The following BMPR1A variants were observed in gnomAD, a reference collection of about 807,000 sequenced individuals.
The protein encoded by BMPR1A is bone morphogenetic protein receptor type-1A.
Under a neutral mutation model 66.0 loss-of-function variants are expected in BMPR1A, and 7 were observed. That is an observed-to-expected ratio of 0.11 (90% CI 0.06 to 0.20). BMPR1A has a LOEUF of 0.20. Among genes scored for constraint, BMPR1A ranks in the 10% least tolerant of loss-of-function variants. BMPR1A has a pLI of 1.00. For missense variants in BMPR1A, 408 were observed against 669.1 expected, an observed-to-expected ratio of 0.61 and a Z score of 4.31; for synonymous variants, 200 against 229.7, an observed-to-expected ratio of 0.87 and a Z score of 1.17.
rs1166278825 is a variant in BMPR1A at position 86,816,454 on chromosome 10, A to G, written c.-267-22411A>G. On this transcript the variant is annotated intron_variant, in intron 1 of 12. Transcript: ENST00000372037. The stretch of plus-strand genomic sequence containing the variant: ...TTCAGTACCCCTCCCTCATTTTGAC[A>G]AAAGCTGGTCAGTTGATTGTCAGAG... 2.6e-5 allele frequency among the ~76,000 whole-genome samples: 4 copies of G among 152,214 alleles called. No individual in the cohort carries two copies. In the South Asian group the frequency reaches 8.3e-4, roughly 32 times the overall value.
chr10:86,884,998 C>T (rs1843051474), intron 3 of BMPR1A, among the ~76,000 whole-genome samples: 1 of 152,208 alleles, frequency 6.6e-6, no homozygotes, highest in Non-Finnish European at 1.5e-5. Context: ...CATATCCTAT[C>T]AGATGTGAAA....
intron 2 of BMPR1A, among the ~76,000 whole-genome samples, chr10:86,860,581 C>A (rs113688357): frequency 5.3e-5 from 8 of 151,950 alleles, no homozygotes; most frequent in African/African-American, 1.5e-4. Flanking sequence ...ACCATCCTAG[C>A]CAACATGGCA....
At chr10:86,915,991 A>ATTAT (rs1233677666) in intron 8 of BMPR1A, among the ~76,000 whole-genome samples, 1 of 152,226 alleles carries the variant, frequency 6.6e-6, no homozygotes, top group Non-Finnish European at 1.5e-5. Context: ...ATTCAAGCAA[A>ATTAT]TATATATGTA....
At chr10:86,863,932 A>G (rs1290222161) in intron 2 of BMPR1A, among the ~76,000 whole-genome samples, 1 of 152,248 alleles carries the variant, frequency 6.6e-6, no homozygotes, top group Non-Finnish European at 1.5e-5. Context: ...TAACAAAACA[A>G]TTCCTTTTTA....
chr10:86,907,526 C>T (rs1289274976), intron 7 of BMPR1A, among the ~76,000 whole-genome samples: 1 of 151,702 alleles, frequency 6.6e-6, no homozygotes, highest in Non-Finnish European at 1.5e-5. Context: ...CTGTTCATTC[C>T]CCTGTGTTTA....
chr10:86,895,266 G>A (rs1200331458), intron 5 of BMPR1A, among the ~76,000 whole-genome samples: 1 of 152,132 alleles, frequency 6.6e-6, no homozygotes, highest in Non-Finnish European at 1.5e-5. Flanking sequence ...GTGGTGGCAC[G>A]GTGGCCCCAG....
intron 5 of BMPR1A, among the ~76,000 whole-genome samples, chr10:86,893,674 G>C (rs1040472341): frequency 2.0e-5 from 3 of 152,006 alleles, no homozygotes; most frequent in Non-Finnish European, 4.4e-5. Flanking sequence ...TGTCGTCCCA[G>C]CTACTCGGGA....
chr10:86,766,638 C>A (rs1199588834), intron 1 of BMPR1A, among the ~76,000 whole-genome samples: 10 of 86,192 alleles, frequency 1.2e-4, no homozygotes, highest in African/African-American at 2.9e-4. Flanking sequence ...TTTTTTGAGA[C>A]GGAGTCTCGC....
At chr10:86,877,549 GCTT>G (rs1321845373) in intron 3 of BMPR1A, among the ~76,000 whole-genome samples, 2 of 152,162 alleles carry the variant, frequency 1.3e-5, no homozygotes, top group African/African-American at 4.8e-5. Flanking sequence ...GAAATCTATA[GCTT>G]CTTTTTATTT....
chr10:86,881,709 A>C (rs902101969), intron 3 of BMPR1A, among the ~76,000 whole-genome samples: 1 of 152,238 alleles, frequency 6.6e-6, no homozygotes. Flanking sequence ...GGTAAATACT[A>C]TACTAGTAAA....
At chr10:86,876,233 C>A in intron 3 of BMPR1A, 148 bp downstream of exon 3, 1 of 724,796 alleles carries the variant, frequency 1.4e-6, no homozygotes. Context: ...AAACACGTGC[C>A]AAATAATTTT....
chr10:86,873,271 A>T (rs1187777331), intron 2 of BMPR1A, among the ~76,000 whole-genome samples: 2 of 152,070 alleles, frequency 1.3e-5, no homozygotes, highest in Non-Finnish European at 2.9e-5. Flanking sequence ...CTGGTACCTA[A>T]CACTGGGTCG....
intron 3 of BMPR1A, chr10:86,889,524 T>G (rs1843117587): frequency 6.5e-6 from 1 of 153,544 alleles, no homozygotes. Context: ...CAGACTTCTG[T>G]GAAGTCTCTC....
At chr10:86,833,869 T>C (rs1419975445) in intron 1 of BMPR1A, among the ~76,000 whole-genome samples, 1 of 152,218 alleles carries the variant, frequency 6.6e-6, no homozygotes, top group Non-Finnish European at 1.5e-5. Context: ...AAGAATTTAA[T>C]ATGAAAAGAT....
intron 7 of BMPR1A, among the ~76,000 whole-genome samples, chr10:86,907,092 G>A (rs545297736): frequency 2.1e-4 from 32 of 152,240 alleles, no homozygotes; most frequent in African/African-American, 6.0e-4. Flanking sequence ...ACCTTCACCA[G>A]TTGCCTTCCC....
chr10:86,814,259 C>G (rs2132957482), intron 1 of BMPR1A, among the ~76,000 whole-genome samples: 1 of 152,214 alleles, frequency 6.6e-6, no homozygotes, highest in South Asian at 2.1e-4. Flanking sequence ...CTCAGCTTCC[C>G]CAATGCTGAG....
chr10:86,863,994 T>C (rs1044004633), intron 2 of BMPR1A, among the ~76,000 whole-genome samples: 4 of 152,202 alleles, frequency 2.6e-5, no homozygotes, highest in Admixed American at 2.0e-4. Context: ...ATACATTAGT[T>C]TGATCAAGAT....
At chr10:86,779,540 G>A (rs373365945) in intron 1 of BMPR1A, among the ~76,000 whole-genome samples, 21 of 152,078 alleles carry the variant, frequency 1.4e-4, no homozygotes, top group Non-Finnish European at 2.6e-4. Context: ...GATAATAGCC[G>A]TTTTAACTGG....
rs150493865 is a variant in BMPR1A, at chr10:86,890,192, C to T, written c.198C>T (p.His66=). 16 of 1,614,020 alleles carry T rather than the reference C, an allele frequency of 9.9e-6. No homozygotes were observed. Among genetic ancestry groups the T allele is most frequent in the African/African-American group, 2.7e-5 (2 of 74,934 alleles). Residue 66 remains histidine, a synonymous_variant, in exon 4 of 13, where the codon CAC becomes CAT. Transcript: ENST00000372037. ...LPFLKCYCSG[H]CPDDAINNTC... ...TTTTAAAGTGCTATTGCTCAGGGCACTGTCCAGATGATGCTATTAATAACA... is the reference window on the plus strand; with the variant it reads ...TTTTAAAGTGCTATTGCTCAGGGCATTGTCCAGATGATGCTATTAATAACA...
Sources: gnomAD v4.1 joint callset for allele counts (sites outside exome capture counted in the v4.1 genomes callset) on GRCh38, gnomAD v4.1.1 for gene constraint, MANE v1.5 for transcripts, NCBI Gene and HGNC (gene_info 2026-07-23, HGNC 2026-07-21) for gene names.